Variants in VWA8 observed in about 807,000 individuals in gnomAD.
The protein encoded by VWA8 is von Willebrand factor A domain containing 8, also known as von Willebrand factor A domain-containing protein 8.
A neutral mutation model predicts 241.5 loss-of-function variants in VWA8; 221 were observed. The ratio of observed to expected loss-of-function variants is 0.91; its 90% CI spans 0.82 to 1.02. The LOEUF is 1.02. Among genes scored for constraint, VWA8 ranks in the 50% least tolerant of loss-of-function variants. The pLI is 0.00. For synonymous variants in VWA8, 852 were observed against 827.1 expected, an observed-to-expected ratio of 1.03 and a Z score of -0.52; for missense variants, 2,322 against 2,328.7, an observed-to-expected ratio of 1.00 and a Z score of 0.06.
intron 15 of VWA8, among the ~76,000 whole-genome samples, chr13:41,817,353 C>T (rs778238418): frequency 6.6e-6 from 1 of 152,020 alleles, no homozygotes; most frequent in Non-Finnish European, 1.5e-5. Flanking sequence ...TAACACATAT[C>T]GATTGCTTTT....
At chr13:41,841,177 A>G (rs1300083220) in intron 12 of VWA8, among the ~76,000 whole-genome samples, 1 of 152,216 alleles carries the variant, frequency 6.6e-6, no homozygotes, top group Non-Finnish European at 1.5e-5. Flanking sequence ...AAATTCCCAT[A>G]AGGAAAGAGC....
At chr13:41,621,998 C>A (rs1387508811) in intron 37 of VWA8, among the ~76,000 whole-genome samples, 2 of 152,168 alleles carry the variant, frequency 1.3e-5, no homozygotes, top group Non-Finnish European at 1.5e-5. Flanking sequence ...TTGACAAAAA[C>A]ATCAGCCAAA....
chr13:41,826,781 G>A (rs1446588498), intron 14 of VWA8, among the ~76,000 whole-genome samples: 1 of 152,140 alleles, frequency 6.6e-6, no homozygotes, highest in Non-Finnish European at 1.5e-5. Flanking sequence ...GGCTAAGGCG[G>A]GAGGATGGTT....
chr13:41,858,221 C>T (rs1427238130), intron 12 of VWA8, among the ~76,000 whole-genome samples: 1 of 152,184 alleles, frequency 6.6e-6, no homozygotes, highest in African/African-American at 2.4e-5. Context: ...CTAATACAGA[C>T]ACTAAAGTTT....
intron 15 of VWA8, among the ~76,000 whole-genome samples, chr13:41,818,521 T>C (rs1386218661): frequency 6.6e-6 from 1 of 150,926 alleles, no homozygotes; most frequent in Non-Finnish European, 1.5e-5. Flanking sequence ...TGAGCCGAGA[T>C]CACACCACTC....
intron 8 of VWA8, 36 bp downstream of exon 8, chr13:41,885,884 A>C: frequency 6.9e-7 from 1 of 1,452,336 alleles, no homozygotes; most frequent in Non-Finnish European, 9.4e-7. Flanking sequence ...TTTTTAACAT[A>C]TTTGGGTATG....
At chr13:41,647,984 G>A (rs552113509) in intron 37 of VWA8, among the ~76,000 whole-genome samples, 51 of 151,740 alleles carry the variant, frequency 3.4e-4, no homozygotes, top group African/African-American at 1.1e-3. Flanking sequence ...GCGAGACTTT[G>A]TCTCAGGAAA....
At chr13:41,600,997 C>T (rs990453492) in intron 40 of VWA8, among the ~76,000 whole-genome samples, 4 of 152,140 alleles carry the variant, frequency 2.6e-5, no homozygotes, top group Non-Finnish European at 5.9e-5. Context: ...TCCATGGCTA[C>T]AAAACTTCCT....
At chr13:41,892,901 C>T (rs551147626) in intron 4 of VWA8, among the ~76,000 whole-genome samples, 3 of 152,272 alleles carry the variant, frequency 2.0e-5, no homozygotes, top group East Asian at 3.9e-4. Context: ...GCATATTAGC[C>T]TATCACAATG....
At chr13:41,887,450 C>G (rs1226147943) in intron 5 of VWA8, 89 bp from the exon 6 acceptor site, 7 of 1,388,354 alleles carry the variant, frequency 5.0e-6, no homozygotes, top group Non-Finnish European at 6.8e-6. Flanking sequence ...TAGGACTTGA[C>G]TGTTGAGAAA....
chr13:41,915,761 T>C (rs922411022), intron 2 of VWA8, among the ~76,000 whole-genome samples: 2 of 152,176 alleles, frequency 1.3e-5, no homozygotes, highest in African/African-American at 2.4e-5. Context: ...ACATTCCAAT[T>C]TTACATAAGT....
chr13:41,760,029 A>G (rs1005546576), intron 21 of VWA8, among the ~76,000 whole-genome samples: 2 of 151,818 alleles, frequency 1.3e-5, no homozygotes, highest in African/African-American at 4.8e-5. Flanking sequence ...AAAGATAGGT[A>G]TGGAGTAACT....
At chr13:41,657,920 T>C (rs1430371145) in intron 37 of VWA8, among the ~76,000 whole-genome samples, 3 of 152,258 alleles carry the variant, frequency 2.0e-5, no homozygotes, top group Admixed American at 6.5e-5. Flanking sequence ...CTAAGACGTC[T>C]ACTGGAGTAA....
chr13:41,731,936 A>C (rs1022647484), intron 22 of VWA8, 144 bp downstream of exon 22: 1 of 640,914 alleles, frequency 1.6e-6, no homozygotes, highest in Non-Finnish European at 2.5e-6. Flanking sequence ...TTTCTTTATA[A>C]ATTACCCCGT....
intron 19 of VWA8, among the ~76,000 whole-genome samples, chr13:41,778,646 C>A (rs748606157): frequency 3.2e-5 from 2 of 63,134 alleles, no homozygotes; most frequent in African/African-American, 6.7e-5. Flanking sequence ...GTAGGTCATG[C>A]GGGTTCTTTA....
At chr13:41,659,770 C>A (rs1429755837) in intron 37 of VWA8, among the ~76,000 whole-genome samples, 1 of 152,142 alleles carries the variant, frequency 6.6e-6, no homozygotes, top group Non-Finnish European at 1.5e-5. Flanking sequence ...AAATTGGTGA[C>A]TTCTGGAAAC....
chr13:41,678,358 C>A (rs554560669), intron 35 of VWA8, among the ~76,000 whole-genome samples: 1 of 152,320 alleles, frequency 6.6e-6, no homozygotes, highest in East Asian at 1.9e-4. Flanking sequence ...TCGTAAGCCA[C>A]ACACAGTCTG....
chr13:41,736,063 G>A (rs2045522520), intron 21 of VWA8, among the ~76,000 whole-genome samples: 1 of 152,104 alleles, frequency 6.6e-6, no homozygotes, highest in African/African-American at 2.4e-5. Flanking sequence ...TAGTGTCACA[G>A]CAATACTAGG....
intron 12 of VWA8, among the ~76,000 whole-genome samples, chr13:41,844,227 G>A (rs1482352327): frequency 6.6e-6 from 1 of 152,038 alleles, no homozygotes; most frequent in Non-Finnish European, 1.5e-5. Flanking sequence ...AGAATTAAAA[G>A]CAAAAGCCAT....
Sources: allele counts gnomAD v4.1 joint callset (sites outside exome capture counted in the v4.1 genomes callset), GRCh38; gene constraint gnomAD v4.1.1; transcripts MANE v1.5; gene names NCBI Gene and HGNC (gene_info 2026-07-23, HGNC 2026-07-21).